Variants in RGS7 observed in about 807,000 individuals in gnomAD.
RGS7 encodes regulator of G-protein signaling 7.
A neutral mutation model predicts 81.1 loss-of-function variants in RGS7; 27 were observed. The observed-to-expected ratio is 0.33, with a 90% CI of 0.25 to 0.46. RGS7 has a LOEUF of 0.46. Ranked by LOEUF, RGS7 falls within the 20% of genes least tolerant of loss-of-function variation. The pLI, the probability that RGS7 is intolerant of heterozygous loss-of-function variation, is 1.00. For missense variants in RGS7, 396 were observed against 607.4 expected (o/e 0.65, Z 3.66); for synonymous variants, 208 against 207.7 (o/e 1.00, Z -0.01).
chr1:240,919,300 T>C (rs1415934032), intron 6 of RGS7, among the ~76,000 whole-genome samples: 2 of 152,028 alleles, frequency 1.3e-5, no homozygotes, highest in Non-Finnish European at 2.9e-5. Flanking sequence ...GACCAATACT[T>C]CTCATAAACA....
chr1:240,959,288 C>G (rs556880238), intron 4 of RGS7, among the ~76,000 whole-genome samples: 1 of 152,282 alleles, frequency 6.6e-6, no homozygotes, highest in South Asian at 2.1e-4. Flanking sequence ...ATGAGAGATG[C>G]ATCTTCGGTG....
Position 241,355,810 on chromosome 1 carries a change from A to G in RGS7, c.-34T>C, listed in dbSNP as rs1365660352. 2.5e-6 allele frequency: 4 copies of G among 1,571,392 alleles called. No individual in the cohort carries two copies. Among genetic ancestry groups the G allele is most frequent in the Non-Finnish European group, 3.5e-6 (4 of 1,140,962 alleles). On this transcript the variant is annotated 5_prime_UTR_variant, in exon 2 of 19. Coordinates refer to ENST00000440928, the MANE Select transcript of RGS7 (RefSeq NM_001364886.1). The stretch of plus-strand genomic sequence containing the variant: ...AAACTTGGTCCACTCTCAAGATACA[A>G]GAATTATCAGTGTGCCCTGCAAAGG...
chr1:241,228,245 A>G (rs949311111), intron 2 of RGS7, among the ~76,000 whole-genome samples: 1 of 152,218 alleles, frequency 6.6e-6, no homozygotes, highest in Non-Finnish European at 1.5e-5. Context: ...AAACACGTGA[A>G]TGAGGAAATC....
chr1:241,285,092 G>A (rs939384798), intron 2 of RGS7, among the ~76,000 whole-genome samples: 11 of 151,980 alleles, frequency 7.2e-5, no homozygotes, highest in African/African-American at 1.5e-4. Context: ...GGATGGTCTC[G>A]ATCTCCTGAC....
chr1:241,261,111 A>C (rs550220142), intron 2 of RGS7, among the ~76,000 whole-genome samples: 9 of 152,266 alleles, frequency 5.9e-5, no homozygotes, highest in African/African-American at 2.2e-4. Flanking sequence ...ACAAACAAAA[A>C]AAAACAAACA....
intron 2 of RGS7, among the ~76,000 whole-genome samples, chr1:241,329,656 T>C (rs1368319027): frequency 1.3e-5 from 2 of 152,198 alleles, no homozygotes; most frequent in Non-Finnish European, 2.9e-5. Flanking sequence ...TAATTGTCAA[T>C]AACCACTTAA....
intron 2 of RGS7, among the ~76,000 whole-genome samples, chr1:241,175,745 C>T (rs998371375): frequency 6.6e-6 from 1 of 152,186 alleles, no homozygotes; most frequent in Middle Eastern, 3.4e-3. Context: ...CAGATGTCTA[C>T]GAAGACTGAA....
intron 2 of RGS7, among the ~76,000 whole-genome samples, chr1:241,133,263 G>T (rs2067253311): frequency 6.6e-6 from 1 of 151,182 alleles, no homozygotes; most frequent in Non-Finnish European, 1.5e-5. Flanking sequence ...AGCAATAAAT[G>T]AAATCGACTA....
intron 2 of RGS7, among the ~76,000 whole-genome samples, chr1:241,105,122 CTCTA>C (rs1185825107): frequency 6.6e-6 from 1 of 152,096 alleles, no homozygotes; most frequent in Non-Finnish European, 1.5e-5. Flanking sequence ...ATTTTTTCTG[CTCTA>C]TCTAATGCAG....
At chr1:241,224,070 A>ATG (rs887435651) in intron 2 of RGS7, among the ~76,000 whole-genome samples, 2 of 150,190 alleles carry the variant, frequency 1.3e-5, no homozygotes, top group African/African-American at 2.4e-5. Flanking sequence ...ACCAATATAT[A>ATG]TATATATACC....
rs189024866 is a variant in RGS7, at chr1:241,184,265, C to G, written c.79-85503G>C. On this transcript the variant is annotated intron_variant, in intron 2 of 18. Transcript: ENST00000440928. ...CACAATTATTCATTGAGCTCAAGAG[C>G]CAATAAAAACATGATTACCTAGCCA... Among the ~76,000 whole-genome samples the G allele has an allele frequency of 2.5e-4, 38 of 152,026 alleles. No individual in the cohort carries two copies. The East Asian group carries it at 3.1e-3, about 12-fold the overall frequency.
chr1:241,341,137 T>C (rs541685122), intron 2 of RGS7, among the ~76,000 whole-genome samples: 45 of 152,272 alleles, frequency 3.0e-4, no homozygotes, highest in South Asian at 1.2e-3. Context: ...AATCACGAAA[T>C]CGTAGAAATG....
intron 18 of RGS7, among the ~76,000 whole-genome samples, chr1:240,784,564 T>G (rs1028048997): frequency 6.6e-6 from 1 of 151,368 alleles, no homozygotes; most frequent in African/African-American, 2.4e-5. Flanking sequence ...GAGAATGGCG[T>G]GAACCCGGGA....
chr1:240,823,949 T>C (rs1309466385), intron 10 of RGS7, among the ~76,000 whole-genome samples: 2 of 152,064 alleles, frequency 1.3e-5, no homozygotes, highest in African/African-American at 4.8e-5. Flanking sequence ...CTTACTTAGA[T>C]TAGGCTGATT....
chr1:240,881,701 A>G (rs901734343), intron 6 of RGS7, among the ~76,000 whole-genome samples: 1 of 152,160 alleles, frequency 6.6e-6, no homozygotes, highest in Non-Finnish European at 1.5e-5. Flanking sequence ...ACATTTATTA[A>G]GTGCAAGGGA....
chr1:241,204,154 GAGA>G (rs2073720448), intron 2 of RGS7, among the ~76,000 whole-genome samples: 1 of 152,198 alleles, frequency 6.6e-6, no homozygotes. Context: ...GGTGTGTATA[GAGA>G]AGGAGGGATG....
At position 241,095,406 on chromosome 1, in the gene RGS7, C is replaced by A. The variant is rs148226115; in HGVS notation, c.175+3260G>T. On this transcript the variant is annotated intron_variant, in intron 3 of 18. Coordinates refer to ENST00000440928, the MANE Select transcript of RGS7 (RefSeq NM_001364886.1). Reference sequence around the variant, plus strand: ...CCTATAATCCCAGCACTTTGGGAGGCCAAGGCAGGAAGATCACTGGAGCCC... The same window carrying A: ...CCTATAATCCCAGCACTTTGGGAGGACAAGGCAGGAAGATCACTGGAGCCC... Among the ~76,000 whole-genome samples the A allele has an allele frequency of 2.4e-3, 360 of 152,204 alleles. 1 individual carries two copies. The highest frequency in any genetic ancestry group is 8.2e-3 in the African/African-American group (341 of 41,522).
intron 2 of RGS7, among the ~76,000 whole-genome samples, chr1:241,132,051 A>G (rs2067135909): frequency 1.3e-5 from 2 of 152,314 alleles, no homozygotes; most frequent in South Asian, 4.1e-4. Context: ...TTCATGTGGT[A>G]TGTCTCGCAA....
intron 3 of RGS7, among the ~76,000 whole-genome samples, chr1:241,030,942 C>A (rs10802926): frequency 0.19 from 29,552 of 152,026 alleles, 3,926 homozygotes; most frequent in African/African-American, 0.37. Context: ...AAACACCCCC[C>A]AACACAAAAC....
Sources: allele counts gnomAD v4.1 joint callset (sites outside exome capture counted in the v4.1 genomes callset), GRCh38; gene constraint gnomAD v4.1.1; transcripts MANE v1.5; gene names NCBI Gene and HGNC (gene_info 2026-07-23, HGNC 2026-07-21).